The following AGMO variants were observed in gnomAD, a reference collection of about 807,000 sequenced individuals.
AGMO encodes alkylglycerol monooxygenase.
A neutral mutation model predicts 60.2 loss-of-function variants in AGMO; 75 were observed. The observed-to-expected ratio is 1.25, with a 90% CI of 1.03 to 1.51. The LOEUF is 1.51. Among genes scored for constraint, AGMO ranks in the 40% most tolerant of loss-of-function variants. AGMO has a pLI of 0.00. For synonymous variants in AGMO, 261 were observed against 177.1 expected (o/e 1.47, Z -3.76); for missense variants, 763 against 525.5 (o/e 1.45, Z -4.42).
chr7:15,437,490 T>C (rs1008337838), intron 3 of AGMO, among the ~76,000 whole-genome samples: 2 of 151,894 alleles, frequency 1.3e-5, no homozygotes, highest in Non-Finnish European at 2.9e-5. Flanking sequence ...ATGTTCAGCA[T>C]GATAGAAACC....
chr7:15,146,301 G>A, the AGMO span, among the ~76,000 whole-genome samples: 1 of 152,102 alleles, frequency 6.6e-6, no homozygotes, highest in South Asian at 2.1e-4. Flanking sequence ...GTTTCTTAAA[G>A]TAAGAATGTA....
intron 2 of AGMO, among the ~76,000 whole-genome samples, chr7:15,554,965 G>A (rs1297565584): frequency 6.6e-6 from 1 of 151,838 alleles, no homozygotes; most frequent in Non-Finnish European, 1.5e-5. Flanking sequence ...TCACGTTGTT[G>A]TCATTAAGAA....
chr7:15,455,028 G>A (rs758800026), intron 3 of AGMO, among the ~76,000 whole-genome samples: 32 of 150,506 alleles, frequency 2.1e-4, no homozygotes, highest in Non-Finnish European at 3.7e-4. Context: ...CCTGTGCTAC[G>A]GTAGATGCAG....
At position 15,423,472 on chromosome 7, in the gene AGMO, AC is replaced by A. The variant is rs1484271880; in HGVS notation, c.514-4820del. Among the ~76,000 whole-genome samples the A allele has an allele frequency of 3.3e-5, 5 of 152,016 alleles. No homozygotes were observed. The South Asian group carries it at 6.2e-4, about 19-fold the overall frequency. ...AACCATTTCCTTTTTACCCCATTCC[AC>A]CATTGTATACATCCTATATTCTAGC... is the stretch of plus-strand genomic sequence containing the variant. On this transcript the variant is annotated intron_variant, in intron 4 of 12. Transcript: ENST00000342526.
chr7:15,352,605 A>AG (rs1407104464), intron 12 of AGMO, among the ~76,000 whole-genome samples: 1 of 151,908 alleles, frequency 6.6e-6, no homozygotes, highest in Non-Finnish European at 1.5e-5. Context: ...AATTGGCGGG[A>AG]GCATCTGGAA....
Position 15,390,761 on chromosome 7 carries a change from A to C in AGMO, c.743-11T>G. Reference sequence around the variant, plus strand: ...CTGCTTCAAATGTCCCTGGAAGATAAATATAAAGATATGAGATTTGGCTTC... The same window carrying C: ...CTGCTTCAAATGTCCCTGGAAGATACATATAAAGATATGAGATTTGGCTTC... On this transcript the variant is annotated splice_polypyrimidine_tract_variant and intron_variant, in intron 7 of 12. Transcript: ENST00000342526. 6.2e-7 allele frequency: 1 copy of C among 1,604,004 alleles called. No homozygotes were observed. Among genetic ancestry groups the C allele is most frequent in the Non-Finnish European group, 8.5e-7 (1 of 1,171,990 alleles).
At chr7:15,238,455 T>C (rs983987004) in intron 12 of AGMO, among the ~76,000 whole-genome samples, 2 of 151,866 alleles carry the variant, frequency 1.3e-5, no homozygotes, top group Non-Finnish European at 2.9e-5. Context: ...ATATTTGAGT[T>C]GATAGATATC....
intron 10 of AGMO, among the ~76,000 whole-genome samples, chr7:15,384,927 C>T (rs1181086652): frequency 1.3e-5 from 2 of 150,374 alleles, no homozygotes; most frequent in African/African-American, 4.9e-5. Flanking sequence ...AAAAATGATC[C>T]CCAAAGTGGC....
intron 12 of AGMO, among the ~76,000 whole-genome samples, chr7:15,229,292 A>G (rs1461455386): frequency 6.6e-6 from 1 of 152,078 alleles, no homozygotes; most frequent in African/African-American, 2.4e-5. Context: ...AACATGGCAC[A>G]TGTTCAATTT....
chr7:15,560,507 C>T (rs1338431292), intron 1 of AGMO, among the ~76,000 whole-genome samples: 4 of 151,980 alleles, frequency 2.6e-5, no homozygotes, highest in African/African-American at 9.7e-5. Flanking sequence ...GAAATGTAAT[C>T]ATAGATATAA....
intron 3 of AGMO, among the ~76,000 whole-genome samples, chr7:15,529,828 T>TAG (rs373990429): frequency 0.25 from 2,134 of 8,442 alleles, 869 homozygotes; most frequent in East Asian, 0.5. Context: ...TATTTCCATA[T>TAG]ATATTCTATA....
rs1461966430 is a variant in AGMO at position 15,200,601 on chromosome 7, C to G, written c.*684G>C. Reference sequence around the variant, plus strand: ...TTCTGCCTCCCAGGTTCAAGCGATTCTCCTGCCTCAGCCTCCAGAGTAGCT... The same window carrying G: ...TTCTGCCTCCCAGGTTCAAGCGATTGTCCTGCCTCAGCCTCCAGAGTAGCT... On this transcript the variant is annotated 3_prime_UTR_variant, in exon 13 of 13. Coordinates refer to ENST00000342526, the MANE Select transcript of AGMO (RefSeq NM_001004320.2). 6.5e-6 allele frequency: 1 copy of G among 152,838 alleles called. No individual in the cohort carries two copies. The highest frequency in any genetic ancestry group is 1.5e-5 in the Non-Finnish European group (1 of 68,562). 9.5% of individuals were successfully genotyped at this position (152,838 alleles called of 1,614,324 possible). A position where few individuals can be genotyped will look rare whatever the true frequency, so the allele number is the denominator to read the frequency against.
At chr7:15,330,961 T>G (rs2128544311) in intron 12 of AGMO, among the ~76,000 whole-genome samples, 1 of 152,258 alleles carries the variant, frequency 6.6e-6, no homozygotes, top group African/African-American at 2.4e-5. Context: ...ATCATGGAAG[T>G]GATCTTGTGT....
intron 12 of AGMO, among the ~76,000 whole-genome samples, chr7:15,361,546 A>AAAAAAAAAAAAAAAAAAAGAAAAAAG (rs60239009): frequency 5.5e-5 from 5 of 91,404 alleles, no homozygotes; most frequent in Admixed American, 2.5e-4. Context: ...TCTCAAAAAA[A>AAAAAAAAAAAAAAAAAAAGAAAAAAG]AAAAAAAAGG....
intron 3 of AGMO, among the ~76,000 whole-genome samples, chr7:15,480,536 T>C (rs1050117441): frequency 4.6e-5 from 7 of 152,124 alleles, no homozygotes; most frequent in African/African-American, 1.7e-4. Context: ...GGATGTCATA[T>C]TTAGGGTGAG....
At chr7:15,212,696 G>C (rs1781629244) in intron 12 of AGMO, among the ~76,000 whole-genome samples, 1 of 151,940 alleles carries the variant, frequency 6.6e-6, no homozygotes, top group Non-Finnish European at 1.5e-5. Context: ...CTAGCAGGTA[G>C]AGTATTCCCT....
chr7:15,561,710 A>G lies in AGMO; in HGVS notation c.126+10T>C, dbSNP rs1005804113. The G allele has an allele frequency of 2.5e-6, 4 of 1,598,688 alleles. No homozygotes were observed. The highest frequency in any genetic ancestry group is 1.3e-5 in the African/African-American group (1 of 74,084). On this transcript the variant is annotated intron_variant, in intron 1 of 12. Transcript: ENST00000342526. ...AAGAATAAGAGTAGCCTCTTCCAAT[A>G]AAGTCTCACCTTTTTTACATAATCA...
the AGMO span, among the ~76,000 whole-genome samples, chr7:15,193,964 CTA>C: frequency 1.3e-5 from 2 of 152,230 alleles, no homozygotes; most frequent in South Asian, 4.1e-4. Context: ...ATATACCTCT[CTA>C]AATACTATTA....
intron 12 of AGMO, among the ~76,000 whole-genome samples, chr7:15,230,698 G>A (rs569457380): frequency 2.0e-5 from 3 of 152,128 alleles, no homozygotes; most frequent in Non-Finnish European, 4.4e-5. Context: ...AAGGGAAAGA[G>A]AGAGAAATCT....
Sources: allele counts gnomAD v4.1 joint callset (sites outside exome capture counted in the v4.1 genomes callset), GRCh38; gene constraint gnomAD v4.1.1; transcripts MANE v1.5; gene names NCBI Gene and HGNC (gene_info 2026-07-23, HGNC 2026-07-21).